The following ANKRD13D variants were observed in gnomAD, a reference collection of about 807,000 sequenced individuals.
The protein encoded by ANKRD13D is ankyrin repeat domain 13D.
Under a neutral mutation model 68.8 loss-of-function variants are expected in ANKRD13D, and 24 were observed. The observed-to-expected ratio is 0.35, with a 90% CI of 0.25 to 0.49. The LOEUF is 0.49. Ranked by LOEUF, ANKRD13D falls within the 20% of genes least tolerant of loss-of-function variation. The pLI is 0.99. For missense variants in ANKRD13D, 735 were observed against 832.1 expected, an observed-to-expected ratio of 0.88 and a Z score of 1.44; for synonymous variants, 331 against 336.1, an observed-to-expected ratio of 0.98 and a Z score of 0.16.
chr11:67,291,140 T>C (rs1860523104), intron 3 of ANKRD13D: 2 of 301,780 alleles, frequency 6.6e-6, no homozygotes, highest in South Asian at 6.8e-5. Flanking sequence ...GGCGGATCAC[T>C]TGAGCCCAGG....
chr11:67,297,526 GT>G (rs34979469), intron 6 of ANKRD13D, among the ~76,000 whole-genome samples: 95,551 of 134,276 alleles, frequency 0.71, 39,249 homozygotes, highest in South Asian at 0.93. Flanking sequence ...AAGTTTTTTG[GT>G]TTTTTTTTTT....
intron 6 of ANKRD13D, among the ~76,000 whole-genome samples, chr11:67,295,136 G>A (rs1038140769): frequency 2.0e-5 from 3 of 152,222 alleles, no homozygotes; most frequent in Non-Finnish European, 2.9e-5. Context: ...GGTTGTTAGA[G>A]GCTGGATGCG....
chr11:67,290,629 C>G, intron 3 of ANKRD13D, 183 bp downstream of exon 3: 1 of 961,284 alleles, frequency 1.0e-6, no homozygotes, highest in Non-Finnish European at 1.5e-6. Flanking sequence ...GCCAGGCTCA[C>G]GTGGGAGAGA....
chr11:67,290,661 C>T (rs567138270), intron 3 of ANKRD13D: 5 of 668,992 alleles, frequency 7.5e-6, no homozygotes, highest in African/African-American at 5.4e-5. Context: ...GGAAGAGAAG[C>T]CTTGCCAGCT....
chr11:67,290,105 G>A lies in ANKRD13D; in HGVS notation c.118G>A (p.Gly40Arg). The change falls in exon 2 of 15, where the codon GGG (glycine) becomes AGG (arginine). Residue 40 changes from glycine to arginine, a missense_variant. By Grantham distance (125) the Gly-to-Arg change is moderately radical. Coordinates refer to ENST00000511455, the MANE Select transcript of ANKRD13D (RefSeq NM_207354.3). ...QHDIEQEDPR[G>R]RTPLELAVSL... Reference sequence around the variant, plus strand: ...CGACATTGAACAGGAGGACCCCCGCGGGCGGACCCCACTGGAGCTGGCCGT... The same window carrying A: ...CGACATTGAACAGGAGGACCCCCGCAGGCGGACCCCACTGGAGCTGGCCGT... 6.5e-7 allele frequency: 1 copy of A among 1,537,162 alleles called. No homozygotes were observed. The highest frequency in any genetic ancestry group is 1.2e-5 in the South Asian group (1 of 84,066).
At chr11:67,297,736 A>G (rs1056202496) in intron 6 of ANKRD13D, among the ~76,000 whole-genome samples, 1 of 148,598 alleles carries the variant, frequency 6.7e-6, no homozygotes, top group Admixed American at 6.7e-5. Context: ...TGTGTTAGCC[A>G]GGATGGTCTC....
At chr11:67,289,777 C>A in intron 1 of ANKRD13D, 1 of 1,420,274 alleles carries the variant, frequency 7.0e-7, no homozygotes. Flanking sequence ...AACTCGCTTC[C>A]GCATCCTTGC....
At chr11:67,291,578 C>T (rs750009823) in intron 4 of ANKRD13D, 25 bp from the exon 5 acceptor site, 4 of 1,613,716 alleles carry the variant, frequency 2.5e-6, no homozygotes, top group Admixed American at 1.7e-5. Context: ...GGAAAGACCC[C>T]CAGTGACCCC....
At chr11:67,289,896 C>T in intron 1 of ANKRD13D, 182 bp from the exon 2 acceptor site, 2 of 1,437,066 alleles carry the variant, frequency 1.4e-6, no homozygotes, top group Non-Finnish European at 1.8e-6. Flanking sequence ...CCCGGCTCTG[C>T]CCCTGCCTTC....
intron 6 of ANKRD13D, 91 bp downstream of exon 6, chr11:67,292,271 G>C: frequency 1.4e-6 from 2 of 1,402,282 alleles, no homozygotes; most frequent in Non-Finnish European, 1.9e-6. Flanking sequence ...GAAGATCCTG[G>C]TTCAGGCCTC....
rs1410166674 is a variant in ANKRD13D, at chr11:67,301,856, T to A, written c.1604+33T>A. 5 of 1,554,936 alleles carry A rather than the reference T, an allele frequency of 3.2e-6. No individual in the cohort carries two copies. On this transcript the variant is annotated intron_variant, in intron 14 of 14. Transcript: ENST00000511455. The surrounding 1 kb of genome is among the most constrained non-coding windows in gnomAD (Gnocchi z 4.5). ...CCTCATGGGGCTGGCTGGGTCCCTG[T>A]CCCCCCAGCCCTGGCTTGGCGGGGA...
At position 67,301,456 on chromosome 11, in the gene ANKRD13D, G is replaced by T. The variant is rs1860987381; in HGVS notation, c.1349-32G>T. The T allele has an allele frequency of 1.2e-6, 2 of 1,608,882 alleles. No homozygotes were observed. Among genetic ancestry groups the T allele is most frequent in the South Asian group, 1.1e-5 (1 of 90,754 alleles). ...AGCTTTCTGGTCACCAAGCCCCGCG[G>T]GTTGAGCGTGGCCCCTCTGCCACCT... On this transcript the variant is annotated intron_variant, in intron 12 of 14. Transcript: ENST00000511455. The surrounding 1 kb of genome is among the most constrained non-coding windows in gnomAD (Gnocchi z 4.5).
At chr11:67,298,983 G>A (rs929422812) in intron 6 of ANKRD13D, 75 bp from the exon 7 acceptor site, 9 of 1,531,810 alleles carry the variant, frequency 5.9e-6, no homozygotes, top group Middle Eastern at 3.4e-4. Flanking sequence ...CTGGCTGGAG[G>A]GGGCTTTGGA....
Position 67,301,595 on chromosome 11 carries a change from C to T in ANKRD13D, c.1456C>T (p.Leu486Phe), listed in dbSNP as rs1288005789. 1.2e-6 allele frequency: 2 copies of T among 1,612,880 alleles called. No individual in the cohort carries two copies. Among genetic ancestry groups the T allele is most frequent in the East Asian group, 2.2e-5 (1 of 44,886 alleles). ...NEPLRDEDDD[L>F]LQFAIQQSLL... ...GCCCCTCCGGGACGAGGACGATGAC[C>T]TCCTGCAGTTCGCCATCCAGCAGAG... Residue 486 changes from leucine (L) to phenylalanine (F), a missense_variant, in exon 13 of 15, where the codon CTC (leucine) becomes TTC (phenylalanine). Physicochemically the swap from Leu to Phe is conservative, Grantham distance 22. Coordinates refer to ENST00000511455, the MANE Select transcript of ANKRD13D (RefSeq NM_207354.3). The surrounding 1 kb of genome is among the most constrained non-coding windows in gnomAD (Gnocchi z 4.5).
intron 6 of ANKRD13D, 92 bp from the exon 7 acceptor site, chr11:67,298,966 G>A (rs777531677): frequency 2.0e-5 from 28 of 1,403,706 alleles, no homozygotes; most frequent in East Asian, 2.3e-5. Flanking sequence ...TGGGCACCCC[G>A]GGCAGGCTGG....
At chr11:67,302,056 C>G in intron 14 of ANKRD13D, 63 bp from the exon 15 acceptor site, 1 of 1,469,126 alleles carries the variant, frequency 6.8e-7, no homozygotes, top group South Asian at 1.4e-5. Context: ...CCCAGCCCCT[C>G]GGCTTCTGCC....
At chr11:67,290,520 C>T (rs1860490158) in intron 3 of ANKRD13D, 74 bp downstream of exon 3, 12 of 1,490,250 alleles carry the variant, frequency 8.1e-6, no homozygotes, top group Admixed American at 2.1e-5. Flanking sequence ...CAGGCCTGGC[C>T]TTGGAAAGGC....
chr11:67,301,104 C>A lies in ANKRD13D; in HGVS notation c.1188C>A (p.Asp396Glu). ...ISNAHFAKLRDFITLRLPPGF... is the reference protein window; with the variant it reads ...ISNAHFAKLREFITLRLPPGF... ...ACGCTCACTTTGCCAAGCTGCGCGA[C>A]TTCATCACTCTGCGCCTTCCACCTG... is the stretch of plus-strand genomic sequence containing the variant. Residue 396 changes from aspartate to glutamate, a missense_variant, in exon 11 of 15, where the codon GAC (aspartate) becomes GAA (glutamate). By Grantham distance (45) the Asp-to-Glu change is conservative. Transcript: ENST00000511455. The surrounding 1 kb of genome is among the most constrained non-coding windows in gnomAD (Gnocchi z 4.5). 1.2e-6 allele frequency: 2 copies of A among 1,614,070 alleles called. No homozygotes were observed. The highest frequency in any genetic ancestry group is 1.1e-5 in the South Asian group (1 of 91,090).
In ANKRD13D at chr11:67,300,218, G is replaced by T. The variant is rs2134740914; in HGVS notation, c.1073+95G>T. 2 of 1,543,002 alleles carry T rather than the reference G, an allele frequency of 1.3e-6. No individual in the cohort carries two copies. Among genetic ancestry groups the T allele is most frequent in the East Asian group, 2.3e-5 (1 of 43,816 alleles). On this transcript the variant is annotated intron_variant, in intron 10 of 14. Coordinates refer to ENST00000511455, the MANE Select transcript of ANKRD13D (RefSeq NM_207354.3). This position sits in a 1 kb window ranked among gnomAD's most constrained non-coding sequence, Gnocchi z 4.3. ...TCATAGTTAGGGACCCACTCCCTCG[G>T]CTGGCTTCTCTCTGGACTCCACTCC... is the stretch of plus-strand genomic sequence containing the variant.
Sources: allele counts gnomAD v4.1 joint callset (sites outside exome capture counted in the v4.1 genomes callset), GRCh38; gene constraint gnomAD v4.1.1; non-coding constraint Gnocchi (gnomAD v3.1); transcripts MANE v1.5; gene names NCBI Gene and HGNC (gene_info 2026-07-23, HGNC 2026-07-21).